OGG1: variants seen among roughly 807,000 people sequenced by gnomAD.
OGG1 encodes N-glycosylase/DNA lyase.
Under a neutral mutation model 42.3 loss-of-function variants are expected in OGG1, and 35 were observed. The ratio of observed to expected loss-of-function variants is 0.83; its 90% confidence interval spans 0.63 to 1.10. The LOEUF (loss-of-function observed/expected upper bound fraction) is 1.10, where lower values mean the gene tolerates loss of function less well. Ranked by LOEUF, OGG1 falls within the 50% of genes least tolerant of loss-of-function variation. The pLI, the probability that OGG1 is intolerant of heterozygous loss-of-function variation, is 0.00. For missense variants in OGG1, 484 were observed against 446.7 expected, an observed-to-expected ratio of 1.08 and a Z score of -0.75; for synonymous variants, 189 against 179.0, an observed-to-expected ratio of 1.06 and a Z score of -0.44.
chr3:9,761,914 G>T, downstream of OGG1: 1 of 1,169,472 alleles, frequency 8.6e-7, no homozygotes, highest in Non-Finnish European at 1.2e-6. Context: ...TCTCAAGAAG[G>T]CCAAAAATTC....
At chr3:9,752,193 A>G (rs940645348) in intron 3 of OGG1, 4 of 572,748 alleles carry the variant, frequency 7.0e-6, no homozygotes, top group Non-Finnish European at 1.3e-5. Context: ...ATATCTGTAT[A>G]CAATGTACAG....
At position 9,750,289 on chromosome 3, in the gene OGG1, GCCTGCCCGCGCGCT is replaced by G. The variant is rs766410025; in HGVS notation, c.4_17del (p.Pro2SerfsTer26). 1.9e-6 allele frequency: 3 copies of G among 1,610,088 alleles called. No individual in the cohort carries two copies. In the Admixed American group the frequency reaches 5.0e-5, roughly 27 times the overall value. On this transcript the variant is annotated frameshift_variant, in exon 1 of 7. Coordinates refer to ENST00000344629, the MANE Select transcript of OGG1 (RefSeq NM_002542.6). LOFTEE classifies it high-confidence loss of function. ...ACGGGGCGGTGCCTGCTGTGGAAAT[GCCTGCCCGCGCGCT>G]TCTGCCCAGGCGCATGGGGCATCGT... is the stretch of plus-strand genomic sequence containing the variant.
At position 9,771,847 on chromosome 3, in the gene OGG1, C is replaced by G. The variant is rs544444599; in HGVS notation, c.295-9666C>G. On this transcript the variant is annotated intron_variant, in intron 2 of 3. Transcript: ENST00000426518. ...TTTTTTTTTTTTTTTGAGACAGTCT[C>G]CCTCTGTTGCCCAGGCTGGAGTGCA... Among the ~76,000 whole-genome samples the G allele has an allele frequency of 3.5e-5, 5 of 142,170 alleles. No homozygotes were observed. The South Asian group carries it at 1.1e-3, about 32-fold the overall frequency. 93.3% of individuals were successfully genotyped at this position (142,170 alleles called of 152,430 possible).
intron 3 of OGG1, 134 bp from the exon 4 acceptor site, chr3:9,754,570 T>C: frequency 1.1e-6 from 1 of 894,692 alleles, no homozygotes; most frequent in Non-Finnish European, 1.8e-6. Context: ...GTGTCCACTA[T>C]CCCATAGAGG....
chr3:9,757,972 T>C (rs1575215589), downstream of OGG1: 4 of 1,451,054 alleles, frequency 2.8e-6, no homozygotes, highest in Middle Eastern at 2.5e-4. The surrounding 1 kb of genome is among the most constrained non-coding windows in gnomAD (Gnocchi z 4.5). Flanking sequence ...ATTTTATTAA[T>C]TCCCCTAAAG....
At chr3:9,761,445 G>A (rs1479168029), downstream of OGG1, 6 of 1,604,282 alleles carry the variant, frequency 3.7e-6, no homozygotes, top group Admixed American at 1.0e-4. Context: ...GCCTACCATG[G>A]CCAAGCCCCA....
At chr3:9,787,504 TTCACAC>T (rs1443492267) in intron 3 of OGG1, 1 of 1,087,128 alleles carries the variant, frequency 9.2e-7, no homozygotes, top group African/African-American at 1.6e-5. Context: ...AAACCTGTAC[TTCACAC>T]TCTAGTAAGG....
intron 3 of OGG1, among the ~76,000 whole-genome samples, chr3:9,782,268 G>C (rs1214603683): frequency 1.3e-5 from 2 of 152,144 alleles, no homozygotes; most frequent in Admixed American, 6.5e-5. Context: ...AACTATTATA[G>C]AAAGAGGCTT....
chr3:9,766,748 C>A, downstream of OGG1: 1 of 556,850 alleles, frequency 1.8e-6, no homozygotes, highest in Non-Finnish European at 2.3e-6. Flanking sequence ...AAGCATCTCT[C>A]GTGGTGAAAT....
At chr3:9,752,981 G>A (rs1407460317) in intron 3 of OGG1, among the ~76,000 whole-genome samples, 1 of 152,048 alleles carries the variant, frequency 6.6e-6, no homozygotes, top group African/African-American at 2.4e-5. Flanking sequence ...CCGGGAGCAG[G>A]AGGCTCCAGT....
At position 9,756,511 on chromosome 3, in the gene OGG1, A is replaced by C; in HGVS notation, c.788A>C (p.Gln263Pro). ...CICLMALDKP[Q>P]AVPVDVHMWH... ...TGCCTGATGGCCCTAGACAAGCCCC[A>C]GGCTGTGCCCGTGGATGTCCATATG... Residue 263 changes from glutamine (Q) to proline (P), a missense_variant, in exon 5 of 7, where the codon CAG (glutamine) becomes CCG (proline). Transcript: ENST00000344629. 1 of 1,614,182 alleles carries C rather than the reference A, an allele frequency of 6.2e-7. No homozygotes were observed.
downstream of OGG1, chr3:9,789,652 C>T (rs760303870): frequency 7.4e-6 from 12 of 1,610,930 alleles, no homozygotes; most frequent in Non-Finnish European, 1.0e-5. Context: ...GCGCCCCTGC[C>T]CCACCAGTGC....
rs201317788 is a variant in OGG1 at position 9,780,477 on chromosome 3, G to A, written c.295-1036G>A. 6.7e-5 allele frequency: 108 copies of A among 1,611,152 alleles called. No homozygotes were observed. The African/African-American group carries it at 8.1e-4, about 12-fold the overall frequency. On this transcript the variant is annotated intron_variant, in intron 2 of 3. Coordinates refer to the OGG1 transcript ENST00000426518. ...GGGCAGCCATGATCTTGCGAAAGGCGTCCATGACCTCGTTGTCAGCCATGC... is the reference window on the plus strand; with the variant it reads ...GGGCAGCCATGATCTTGCGAAAGGCATCCATGACCTCGTTGTCAGCCATGC...
chr3:9,756,854 C>T (rs1375189444), intron 6 of OGG1, 38 bp downstream of exon 6: 4 of 1,612,856 alleles, frequency 2.5e-6, no homozygotes, highest in African/African-American at 2.7e-5. Flanking sequence ...GTTTCCTCTC[C>T]TCCAGCCCAG....
intron 2 of OGG1, among the ~76,000 whole-genome samples, chr3:9,778,837 T>C (rs1443726460): frequency 6.6e-6 from 1 of 152,146 alleles, no homozygotes; most frequent in Non-Finnish European, 1.5e-5. Context: ...ACAAGAACCA[T>C]GTGTGATGGG....
At chr3:9,766,033 C>T (rs766823366) in exon 8 of OGG1, 2 of 1,610,370 alleles carry the variant, frequency 1.2e-6, no homozygotes, top group South Asian at 1.1e-5. Flanking sequence ...CATCCCCTGG[C>T]TCCAGAGATG....
At position 9,750,358 on chromosome 3, in the gene OGG1, C is replaced by G. The variant is rs1384424693; in HGVS notation, c.72C>G (p.Ala24=). ...TAGCCTCCACTCCTGCCCTGTGGGC[C>G]TCCATCCCGTGCCCTCGCTCTGAGC... The part of the protein sequence containing the change: ...RTLASTPALW[A]SIPCPRSELR... The change falls in exon 1 of 7, where the codon GCC becomes GCG. Residue 24 remains alanine, a synonymous_variant. Coordinates refer to ENST00000344629, the MANE Select transcript of OGG1 (RefSeq NM_002542.6). The G allele has an allele frequency of 6.2e-7, 1 of 1,614,066 alleles. No homozygotes were observed. Among genetic ancestry groups the G allele is most frequent in the African/African-American group, 1.3e-5 (1 of 75,056 alleles).
intron 3 of OGG1, chr3:9,783,962 A>G (rs1479965829): frequency 2.0e-6 from 3 of 1,530,490 alleles, no homozygotes; most frequent in Non-Finnish European, 2.6e-6. Flanking sequence ...AACCCCTGAA[A>G]GGTGACTAGC....
Position 9,756,763 on chromosome 3 carries a change from T to G in OGG1, c.899-4T>G, listed in dbSNP as rs775424701. The G allele has an allele frequency of 1.2e-6, 2 of 1,614,130 alleles. No homozygotes were observed. The highest frequency in any genetic ancestry group is 8.5e-7 in the Non-Finnish European group (1 of 1,180,014). ...ATAACTTAGTCTCATCACTTCTGAT[T>G]TAGGAAACTTTTTCCGGAGCCTGTG... is the stretch of plus-strand genomic sequence containing the variant. On this transcript the variant is annotated splice_region_variant and splice_polypyrimidine_tract_variant and intron_variant, in intron 5 of 6. Coordinates refer to ENST00000344629, the MANE Select transcript of OGG1 (RefSeq NM_002542.6).
Sources: allele counts gnomAD v4.1 joint callset (sites outside exome capture counted in the v4.1 genomes callset), GRCh38; gene constraint gnomAD v4.1.1; non-coding constraint Gnocchi (gnomAD v3.1); transcripts MANE v1.5; gene names NCBI Gene and HGNC (gene_info 2026-07-23, HGNC 2026-07-21).